The following OR4F16 variants were observed in gnomAD, a reference collection of about 807,000 sequenced individuals.
The protein encoded by OR4F16 is olfactory receptor 4F3/4F16/4F29.
chr1:715,591 G>A, the OR4F16 span, among the ~76,000 whole-genome samples: 1 of 94,892 alleles, frequency 1.1e-5, no homozygotes, highest in Non-Finnish European at 2.0e-5. Flanking sequence ...ATATCAGCAT[G>A]TTGGGAGGCC....
At chr1:701,799 C>T in the OR4F16 span, 1 of 151,088 alleles carries the variant, frequency 6.6e-6, no homozygotes, top group Non-Finnish European at 1.5e-5. Flanking sequence ...GGAAGAGAAG[C>T]AGAAAAGATA....
chr1:713,520 T>A, the OR4F16 span, among the ~76,000 whole-genome samples: 1 of 138,122 alleles, frequency 7.2e-6, no homozygotes, highest in African/African-American at 3.3e-5. Flanking sequence ...TGGATCTATC[T>A]CAACTGCTTC....
the OR4F16 span, among the ~76,000 whole-genome samples, chr1:713,840 TTCGTC>T: frequency 1.0e-5 from 1 of 99,498 alleles, no homozygotes; most frequent in Non-Finnish European, 2.0e-5. Flanking sequence ...ACTTACATTT[TTCGTC>T]TTATTCTCCA....
upstream of OR4F16, among the ~76,000 whole-genome samples, chr1:691,121 C>G (rs574131220): frequency 6.6e-6 from 1 of 151,228 alleles, no homozygotes; most frequent in Admixed American, 6.6e-5. Context: ...GATAATAATA[C>G]CTCCCTTGTT....
the OR4F16 span, among the ~76,000 whole-genome samples, chr1:713,582 CTTCAT>C: frequency 7.9e-6 from 1 of 126,022 alleles, no homozygotes; most frequent in Non-Finnish European, 1.6e-5. Context: ...CCAAGTACCA[CTTCAT>C]TTCTTCTTTT....
the OR4F16 span, among the ~76,000 whole-genome samples, chr1:701,272 A>G: frequency 6.7e-6 from 1 of 149,124 alleles, no homozygotes; most frequent in Non-Finnish European, 1.5e-5. Flanking sequence ...AGAAAAAATC[A>G]TCAGTGGAGG....
chr1:692,268 AAG>A, the OR4F16 span, among the ~76,000 whole-genome samples: 3 of 139,810 alleles, frequency 2.1e-5, no homozygotes, highest in South Asian at 2.4e-4. Context: ...ATAGCCATAA[AAG>A]AGGATAAATA....
the OR4F16 span, chr1:702,309 T>G: frequency 7.0e-6 from 1 of 143,442 alleles, no homozygotes; most frequent in Admixed American, 7.0e-5. Context: ...ATCACGCCAT[T>G]GCACTCCAGC....
chr1:712,007 T>A, the OR4F16 span: 1 of 112,060 alleles, frequency 8.9e-6, no homozygotes, highest in African/African-American at 4.2e-5. Context: ...TATTATATAT[T>A]ATATATTGTA....
At chr1:701,229 AG>A in the OR4F16 span, among the ~76,000 whole-genome samples, 2 of 146,098 alleles carry the variant, frequency 1.4e-5, no homozygotes, top group Non-Finnish European at 3.0e-5. Flanking sequence ...AAAGAGCTTA[AG>A]AAGTCTACTG....
the OR4F16 span, among the ~76,000 whole-genome samples, chr1:717,291 G>A: frequency 4.0e-5 from 6 of 151,332 alleles, no homozygotes; most frequent in Non-Finnish European, 1.5e-5. Flanking sequence ...AACATTAGCA[G>A]CTGATTTCTC....
chr1:712,562 C>A, the OR4F16 span, among the ~76,000 whole-genome samples: 2 of 135,490 alleles, frequency 1.5e-5, no homozygotes, highest in African/African-American at 2.6e-5. Flanking sequence ...CTTTGAAGGT[C>A]ATAAAAAATA....
the OR4F16 span, chr1:701,863 C>G: frequency 6.6e-6 from 1 of 151,590 alleles, no homozygotes; most frequent in Non-Finnish European, 1.5e-5. Flanking sequence ...GTACAATAAC[C>G]CCCTGTGACA....
chr1:691,167 GATATA>G (rs1318565932), upstream of OR4F16, among the ~76,000 whole-genome samples: 1 of 151,572 alleles, frequency 6.6e-6, no homozygotes, highest in Non-Finnish European at 1.5e-5. Flanking sequence ...AGAAATAAGT[GATATA>G]ATATAGGTAA....
the OR4F16 span, chr1:702,434 TATG>T: frequency 6.8e-6 from 1 of 147,196 alleles, no homozygotes; most frequent in Non-Finnish European, 1.5e-5. Flanking sequence ...TATTCCTAAT[TATG>T]ATTTCTTTGT....
the OR4F16 span, among the ~76,000 whole-genome samples, chr1:715,753 G>C: frequency 2.2e-5 from 3 of 139,264 alleles, no homozygotes; most frequent in African/African-American, 8.3e-5. Flanking sequence ...AATAGCTTGA[G>C]TCTGGGAGGT....
the OR4F16 span, among the ~76,000 whole-genome samples, chr1:715,932 A>T: frequency 2.7e-5 from 4 of 146,948 alleles, no homozygotes; most frequent in African/African-American, 1.0e-4. Context: ...TTCCCAAGCC[A>T]CTAAATCAAC....
upstream of OR4F16, among the ~76,000 whole-genome samples, chr1:690,504 T>C (rs2100542214): frequency 7.0e-6 from 1 of 141,908 alleles, no homozygotes; most frequent in East Asian, 2.2e-4. Flanking sequence ...CTCCATACAT[T>C]ATGGTAGAAA....
At chr1:702,363 A>G in the OR4F16 span, 1 of 151,556 alleles carries the variant, frequency 6.6e-6, no homozygotes, top group South Asian at 2.1e-4. Flanking sequence ...AAAAAGAAAA[A>G]AAAAAACCAC....
Sources: gnomAD v4.1 joint callset for allele counts (sites outside exome capture counted in the v4.1 genomes callset) on GRCh38, gnomAD v4.1.1 for gene constraint, MANE v1.5 for transcripts, NCBI Gene and HGNC (gene_info 2026-07-23, HGNC 2026-07-21) for gene names.